Variants in THEMIS observed in about 807,000 individuals in gnomAD.
The protein encoded by THEMIS is thymocyte selection associated.
Under a neutral mutation model 52.6 loss-of-function variants are expected in THEMIS, and 37 were observed. The observed-to-expected ratio is 0.70, with a 90% CI of 0.54 to 0.93. The LOEUF is 0.93. Among genes scored for constraint, THEMIS ranks in the 40% least tolerant of loss-of-function variants. THEMIS has a pLI of 0.00. For synonymous variants in THEMIS, 292 were observed against 272.7 expected (o/e 1.07, Z -0.70); for missense variants, 808 against 763.1 (o/e 1.06, Z -0.69).
chr6:127,904,793 C>A (rs1181610891), upstream of THEMIS, among the ~76,000 whole-genome samples: 1 of 151,944 alleles, frequency 6.6e-6, no homozygotes, highest in Non-Finnish European at 1.5e-5. Context: ...GAACTGCCAT[C>A]TATAGAAAGT....
At chr6:127,869,535 C>G (rs1562311831) in intron 1 of THEMIS, among the ~76,000 whole-genome samples, 1 of 152,294 alleles carries the variant, frequency 6.6e-6, no homozygotes, top group East Asian at 1.9e-4. Flanking sequence ...CATCGTAAAT[C>G]AAACTACTAA....
At chr6:127,715,055 T>C (rs1774110904) in intron 5 of THEMIS, among the ~76,000 whole-genome samples, 1 of 151,936 alleles carries the variant, frequency 6.6e-6, no homozygotes, top group South Asian at 2.1e-4. Flanking sequence ...GTTCAAAGAA[T>C]GAAATGACTG....
chr6:127,853,864 C>T (rs1460999643), intron 2 of THEMIS, among the ~76,000 whole-genome samples: 1 of 151,570 alleles, frequency 6.6e-6, no homozygotes, highest in East Asian at 1.9e-4. Flanking sequence ...AGTTATTCAG[C>T]TAAGAAGTGG....
chr6:127,750,101 T>A (rs1324368181), intron 4 of THEMIS, among the ~76,000 whole-genome samples: 1 of 150,476 alleles, frequency 6.6e-6, no homozygotes, highest in Non-Finnish European at 1.5e-5. Flanking sequence ...TACAGAGGCA[T>A]TATCACACCT....
At chr6:127,716,805 A>G (rs1460210146) in intron 5 of THEMIS, among the ~76,000 whole-genome samples, 1 of 151,940 alleles carries the variant, frequency 6.6e-6, no homozygotes, top group African/African-American at 2.4e-5. Flanking sequence ...CTCCTTAGCT[A>G]TTGCTGCTGA....
chr6:127,819,118 T>TAAAAAAAAAAAAA (rs142123167), intron 3 of THEMIS, among the ~76,000 whole-genome samples: 2 of 19,480 alleles, frequency 1.0e-4, no homozygotes, highest in Admixed American at 7.5e-4. Context: ...AGACTCTGTC[T>TAAAAAAAAAAAAA]AAAAAAAAAA....
intron 4 of THEMIS, among the ~76,000 whole-genome samples, chr6:127,765,330 T>C (rs543681100): frequency 2.6e-5 from 4 of 152,066 alleles, no homozygotes; most frequent in African/African-American, 7.2e-5. Flanking sequence ...GCATGGAAGA[T>C]GATAAAGAGA....
chr6:127,776,206 G>A (rs970883972), intron 4 of THEMIS, among the ~76,000 whole-genome samples: 5 of 152,120 alleles, frequency 3.3e-5, no homozygotes, highest in Admixed American at 1.3e-4. Flanking sequence ...GATATATTCT[G>A]TGGTAGGCAG....
chr6:127,831,543 A>G (rs188907449), intron 2 of THEMIS, among the ~76,000 whole-genome samples: 2 of 152,274 alleles, frequency 1.3e-5, no homozygotes, highest in Admixed American at 1.3e-4. Context: ...ATTCATCTAT[A>G]TATCAAATCA....
intron 2 of THEMIS, among the ~76,000 whole-genome samples, chr6:127,848,435 T>C (rs1258514436): frequency 2.0e-5 from 3 of 152,044 alleles, no homozygotes; most frequent in African/African-American, 7.2e-5. Flanking sequence ...TTTGGGTATA[T>C]ACCCAGTAAT....
At chr6:127,874,874 G>A (rs1024098821) in intron 1 of THEMIS, among the ~76,000 whole-genome samples, 3 of 152,200 alleles carry the variant, frequency 2.0e-5, no homozygotes, top group African/African-American at 4.8e-5. Context: ...AGTAAAGCAG[G>A]GGTCTGCAAC....
intron 1 of THEMIS, among the ~76,000 whole-genome samples, chr6:127,861,463 A>G (rs1164734116): frequency 6.6e-6 from 1 of 152,038 alleles, no homozygotes; most frequent in African/African-American, 2.4e-5. Flanking sequence ...TCCATTAGCT[A>G]TTCTGCTTGT....
At chr6:127,817,231 C>T (rs575301081) in intron 3 of THEMIS, among the ~76,000 whole-genome samples, 79 of 152,088 alleles carry the variant, frequency 5.2e-4, no homozygotes, top group African/African-American at 1.9e-3. Context: ...ATAGTAGATA[C>T]TCAATAAATG....
intron 2 of THEMIS, among the ~76,000 whole-genome samples, chr6:127,841,315 G>C (rs1779040563): frequency 6.6e-6 from 1 of 152,004 alleles, no homozygotes; most frequent in East Asian, 1.9e-4. Flanking sequence ...GTTCAGTTAA[G>C]ATGCAAGAAA....
At chr6:127,765,902 C>T (rs1487221938) in intron 4 of THEMIS, among the ~76,000 whole-genome samples, 4 of 152,018 alleles carry the variant, frequency 2.6e-5, no homozygotes, top group Non-Finnish European at 5.9e-5. Context: ...AGTCAATAAT[C>T]GGTGCATACA....
chr6:127,768,641 G>A (rs1776275235), intron 4 of THEMIS, among the ~76,000 whole-genome samples: 2 of 152,088 alleles, frequency 1.3e-5, no homozygotes, highest in Admixed American at 1.3e-4. Flanking sequence ...TTAAATTCAA[G>A]TTATTGAAAT....
chr6:127,772,848 G>A (rs1156797304), intron 4 of THEMIS, among the ~76,000 whole-genome samples: 1 of 152,014 alleles, frequency 6.6e-6, no homozygotes, highest in Admixed American at 6.6e-5. Flanking sequence ...TCATTTTGAG[G>A]GCGTTTGGGG....
chr6:127,897,552 C>A (rs1274278142), intron 1 of THEMIS, among the ~76,000 whole-genome samples: 1 of 151,424 alleles, frequency 6.6e-6, no homozygotes, highest in African/African-American at 2.4e-5. Context: ...GGTGCTCAAT[C>A]TTATTAGTCA....
chr6:127,897,478 G>A (rs1046302501), intron 1 of THEMIS, among the ~76,000 whole-genome samples: 1 of 151,162 alleles, frequency 6.6e-6, no homozygotes, highest in African/African-American at 2.4e-5. Context: ...AGAAAAATGA[G>A]CAAGAAATAT....
Sources: allele counts gnomAD v4.1 joint callset (sites outside exome capture counted in the v4.1 genomes callset), GRCh38; gene constraint gnomAD v4.1.1; transcripts MANE v1.5; gene names NCBI Gene and HGNC (gene_info 2026-07-23, HGNC 2026-07-21).